The following SGCZ variants were observed in gnomAD, a reference collection of about 807,000 sequenced individuals.
SGCZ encodes sarcoglycan zeta.
SGCZ carries 40 observed loss-of-function variants against 41.3 expected under a neutral mutation model. That is an observed-to-expected ratio of 0.97 (90% CI 0.75 to 1.26). SGCZ has a LOEUF of 1.26. Ranked by LOEUF, SGCZ falls within the 50% of genes most tolerant of loss-of-function variation. The pLI is 0.00. For missense variants in SGCZ, 552 were observed against 369.8 expected, an observed-to-expected ratio of 1.49 and a Z score of -4.04; for synonymous variants, 206 against 137.5, an observed-to-expected ratio of 1.50 and a Z score of -3.49.
chr8:14,671,826 T>C (rs1201245435), intron 1 of SGCZ, among the ~76,000 whole-genome samples: 2 of 152,180 alleles, frequency 1.3e-5, no homozygotes, highest in Non-Finnish European at 2.9e-5. Flanking sequence ...TGAATATATA[T>C]AGGCATTGGT....
At chr8:14,673,160 T>C (rs1808158364) in intron 1 of SGCZ, among the ~76,000 whole-genome samples, 1 of 152,200 alleles carries the variant, frequency 6.6e-6, no homozygotes, top group Non-Finnish European at 1.5e-5. Context: ...TGTTATGATG[T>C]TTACCCTGTA....
chr8:14,374,267 T>A (rs1384100002), intron 2 of SGCZ, among the ~76,000 whole-genome samples: 1 of 152,026 alleles, frequency 6.6e-6, no homozygotes, highest in African/African-American at 2.4e-5. Flanking sequence ...TAGTCCCAAC[T>A]CTTCAGGAGG....
intron 1 of SGCZ, among the ~76,000 whole-genome samples, chr8:14,649,633 C>T (rs1467804712): frequency 6.6e-6 from 1 of 152,040 alleles, no homozygotes; most frequent in Non-Finnish European, 1.5e-5. Context: ...AAGCTCAGCT[C>T]GTTAAGTTTT....
intron 4 of SGCZ, among the ~76,000 whole-genome samples, chr8:14,201,314 T>G (rs1423871395): frequency 6.6e-6 from 1 of 152,140 alleles, no homozygotes; most frequent in Non-Finnish European, 1.5e-5. Flanking sequence ...AAAAAAAGCC[T>G]GTATGCATAA....
intron 1 of SGCZ, among the ~76,000 whole-genome samples, chr8:14,976,827 A>T (rs1301075107): frequency 6.6e-6 from 1 of 152,220 alleles, no homozygotes; most frequent in Non-Finnish European, 1.5e-5. Context: ...GAATGCTAAC[A>T]ACCAAAAAAG....
chr8:14,415,364 A>C (rs922592155), intron 2 of SGCZ, among the ~76,000 whole-genome samples: 1 of 151,930 alleles, frequency 6.6e-6, no homozygotes, highest in African/African-American at 2.4e-5. Context: ...TGTAAAAATT[A>C]TATGAAGAAA....
At chr8:14,577,616 G>A (rs557906956) in intron 1 of SGCZ, among the ~76,000 whole-genome samples, 1 of 152,184 alleles carries the variant, frequency 6.6e-6, no homozygotes, top group Admixed American at 6.5e-5. Flanking sequence ...TCCAAGTCCT[G>A]ACCTCAGGTG....
intron 5 of SGCZ, among the ~76,000 whole-genome samples, chr8:14,143,805 T>C (rs958352879): frequency 6.6e-6 from 1 of 151,604 alleles, no homozygotes; most frequent in Non-Finnish European, 1.5e-5. Context: ...TCTGCAGCAG[T>C]AGTAAGGAGA....
chr8:14,372,402 T>C (rs545354287), intron 2 of SGCZ, among the ~76,000 whole-genome samples: 6 of 152,292 alleles, frequency 3.9e-5, no homozygotes, highest in Admixed American at 1.3e-4. Context: ...CTGTGCCAGA[T>C]AATCTTCTAT....
chr8:14,276,762 G>A (rs766020956), intron 3 of SGCZ, among the ~76,000 whole-genome samples: 80 of 152,124 alleles, frequency 5.3e-4, no homozygotes, highest in Non-Finnish European at 1.0e-3. Flanking sequence ...TGTTTAACTG[G>A]GGCAGGAAAA....
chr8:14,268,918 A>G (rs949873735), intron 3 of SGCZ, among the ~76,000 whole-genome samples: 12 of 151,786 alleles, frequency 7.9e-5, no homozygotes, highest in African/African-American at 2.4e-4. Flanking sequence ...AATATAATAC[A>G]TATTTTTATT....
At chr8:14,799,732 A>G (rs1029117685) in intron 1 of SGCZ, among the ~76,000 whole-genome samples, 2 of 152,124 alleles carry the variant, frequency 1.3e-5, no homozygotes, top group Non-Finnish European at 2.9e-5. Flanking sequence ...CCTCCAGCTG[A>G]ATCTACTCCT....
At chr8:14,337,987 C>T (rs114688923) in intron 2 of SGCZ, among the ~76,000 whole-genome samples, 1,700 of 152,212 alleles carry the variant, frequency 0.011, 28 homozygotes, top group African/African-American at 0.038. Flanking sequence ...ATAACTCTTG[C>T]TGTCCATGGA....
At chr8:14,987,106 A>C (rs1205241309) in intron 1 of SGCZ, among the ~76,000 whole-genome samples, 1 of 151,944 alleles carries the variant, frequency 6.6e-6, no homozygotes, top group Non-Finnish European at 1.5e-5. Context: ...GCAAAGAAGA[A>C]ACATTATTTA....
At chr8:15,199,324 A>T (rs536554533) in intron 1 of SGCZ, among the ~76,000 whole-genome samples, 1 of 152,354 alleles carries the variant, frequency 6.6e-6, no homozygotes, top group South Asian at 2.1e-4. Flanking sequence ...GCTCACTTTC[A>T]GTCTAGACCA....
chr8:14,608,353 G>A (rs1805819027), intron 1 of SGCZ, among the ~76,000 whole-genome samples: 1 of 151,364 alleles, frequency 6.6e-6, no homozygotes, highest in Admixed American at 6.6e-5. Flanking sequence ...GGTTTCTTTG[G>A]CTCACCGTTC....
intron 2 of SGCZ, among the ~76,000 whole-genome samples, chr8:14,359,954 G>C (rs1288397093): frequency 1.3e-5 from 2 of 152,116 alleles, no homozygotes; most frequent in Non-Finnish European, 2.9e-5. Flanking sequence ...TGTAAGCATG[G>C]TTCAACATAT....
intron 3 of SGCZ, among the ~76,000 whole-genome samples, chr8:14,314,833 A>G (rs73666522): frequency 0.052 from 7,895 of 152,192 alleles, 626 homozygotes; most frequent in African/African-American, 0.17. Context: ...ATGCAAATGA[A>G]TGCTACCGTT....
chr8:14,483,034 G>C (rs185616204), intron 2 of SGCZ, among the ~76,000 whole-genome samples: 2 of 152,008 alleles, frequency 1.3e-5, no homozygotes, highest in East Asian at 1.9e-4. Context: ...GTTTTCTCTA[G>C]ATTGCCCTGA....
Sources: gnomAD v4.1 joint callset for allele counts (sites outside exome capture counted in the v4.1 genomes callset) on GRCh38, gnomAD v4.1.1 for gene constraint, MANE v1.5 for transcripts, NCBI Gene and HGNC (gene_info 2026-07-23, HGNC 2026-07-21) for gene names.